Variants in HMG20A observed in about 807,000 individuals in gnomAD.
The protein encoded by HMG20A is high mobility group 20A.
HMG20A carries 17 observed loss-of-function variants against 43.9 expected under a neutral mutation model. That is an observed-to-expected ratio of 0.39 (90% CI 0.27 to 0.58). The LOEUF (loss-of-function observed/expected upper bound fraction) is 0.58. Ranked by LOEUF, HMG20A falls within the 20% of genes least tolerant of loss-of-function variation. The pLI is 0.59. For missense variants in HMG20A, 341 were observed against 438.2 expected, an observed-to-expected ratio of 0.78 and a Z score of 1.98; for synonymous variants, 132 against 147.5, an observed-to-expected ratio of 0.89 and a Z score of 0.76.
At position 77,438,085 on chromosome 15, in the gene HMG20A, T is replaced by C. The variant is rs143169739; in HGVS notation, c.-5+17081T>C. ...GATCCTCCCGCCTCAGCCTCCCAAG[T>C]AGCTTGGACTGCAAGCTCATACCAC... On this transcript the variant is annotated intron_variant, in intron 1 of 9. Transcript: ENST00000336216. Among the ~76,000 whole-genome samples the C allele has an allele frequency of 7.9e-5, 12 of 151,882 alleles. No homozygotes were observed. The East Asian group carries it at 2.1e-3, about 27-fold the overall frequency.
the HMG20A span, among the ~76,000 whole-genome samples, chr15:77,497,234 G>A: frequency 1.3e-5 from 2 of 152,224 alleles, no homozygotes; most frequent in African/African-American, 4.8e-5. Flanking sequence ...TAAAACCCCA[G>A]CCTCCCACAG....
At chr15:77,449,295 CTCG>C (rs1415600772) in intron 1 of HMG20A, among the ~76,000 whole-genome samples, 1 of 152,048 alleles carries the variant, frequency 6.6e-6, no homozygotes, top group East Asian at 1.9e-4. Context: ...CTTCTCTCTC[CTCG>C]TCTTTTTCCC....
Position 77,432,246 on chromosome 15 carries a change from A to T in HMG20A, c.-5+11242A>T, listed in dbSNP as rs191849594. Among the ~76,000 whole-genome samples, 62 of 152,372 alleles carry T rather than the reference A, an allele frequency of 4.1e-4. 2 individuals are homozygous for T. In the East Asian group the frequency reaches 0.012, roughly 29 times the overall value. The stretch of plus-strand genomic sequence containing the variant: ...TACAACAGCGTGATTATGAAAATAC[A>T]TGTGAATCAGTTAAAGATATACTCA... On this transcript the variant is annotated intron_variant, in intron 1 of 9. Coordinates refer to ENST00000336216, the MANE Select transcript of HMG20A (RefSeq NM_001304504.2).
chr15:77,470,797 C>T, intron 4 of HMG20A, 113 bp from the exon 5 acceptor site: 1 of 883,624 alleles, frequency 1.1e-6, no homozygotes, highest in Non-Finnish European at 1.6e-6. Flanking sequence ...GGCATATTCC[C>T]TATATTCTTT....
chr15:77,466,278 G>C (rs1200256798), intron 3 of HMG20A, among the ~76,000 whole-genome samples: 2 of 152,172 alleles, frequency 1.3e-5, no homozygotes, highest in Admixed American at 6.5e-5. Flanking sequence ...CTACTTGGAA[G>C]ACTAAGGCAG....
the HMG20A span, among the ~76,000 whole-genome samples, chr15:77,495,262 A>C: frequency 6.6e-6 from 1 of 152,212 alleles, no homozygotes; most frequent in Admixed American, 6.5e-5. Flanking sequence ...AAAGGCAGTA[A>C]AGCCAGCAGG....
At chr15:77,459,387 C>G (rs1595923605) in intron 2 of HMG20A, among the ~76,000 whole-genome samples, 1 of 152,154 alleles carries the variant, frequency 6.6e-6, no homozygotes, top group Admixed American at 6.5e-5. Context: ...AGATAAAAAT[C>G]ATAGGCCTTT....
At position 77,483,774 on chromosome 15, in the gene HMG20A, A is replaced by T. The variant is rs1054323102; in HGVS notation, c.*811A>T. The T allele has an allele frequency of 4.6e-5, 7 of 152,686 alleles. No individual in the cohort carries two copies. The highest frequency in any genetic ancestry group is 1.7e-4 in the African/African-American group (7 of 41,448). 9.5% of individuals were successfully genotyped at this position (152,686 alleles called of 1,614,324 possible). A position where few individuals can be genotyped will look rare whatever the true frequency, so the allele number is the denominator to read the frequency against. ...AAGGCTCTTCTGTTCCCATCTGTTGACAATGTCTTGTGGAGCATTTTTGCT... is the reference window on the plus strand; with the variant it reads ...AAGGCTCTTCTGTTCCCATCTGTTGTCAATGTCTTGTGGAGCATTTTTGCT... On this transcript the variant is annotated 3_prime_UTR_variant, in exon 10 of 10. Transcript: ENST00000336216.
At chr15:77,517,015 G>A in the HMG20A span, among the ~76,000 whole-genome samples, 1 of 152,322 alleles carries the variant, frequency 6.6e-6, no homozygotes. Context: ...CCCTCGTCCA[G>A]ACCCCTGCTC....
intron 1 of HMG20A, among the ~76,000 whole-genome samples, chr15:77,428,099 G>A (rs2073444846): frequency 6.6e-6 from 1 of 152,210 alleles, no homozygotes; most frequent in African/African-American, 2.4e-5. Context: ...TGTTCATAAT[G>A]AAGCATTTAG....
chr15:77,509,500 C>G, the HMG20A span, among the ~76,000 whole-genome samples: 44 of 151,348 alleles, frequency 2.9e-4, no homozygotes, highest in Admixed American at 1.3e-4. Flanking sequence ...GGTGATCTGC[C>G]TGGCCTCGGC....
At chr15:77,516,749 G>A in the HMG20A span, among the ~76,000 whole-genome samples, 8 of 152,314 alleles carry the variant, frequency 5.3e-5, no homozygotes, top group Admixed American at 2.0e-4. Context: ...AGGGGAAGAA[G>A]GGGAGTGGGG....
the HMG20A span, among the ~76,000 whole-genome samples, chr15:77,505,407 C>T: frequency 6.6e-6 from 1 of 152,198 alleles, no homozygotes; most frequent in African/African-American, 2.4e-5. Flanking sequence ...TCACCAGATG[C>T]CCAGCTGGAC....
chr15:77,491,845 T>C, the HMG20A span, among the ~76,000 whole-genome samples: 1 of 152,240 alleles, frequency 6.6e-6, no homozygotes, highest in South Asian at 2.1e-4. Flanking sequence ...ACACAGGTTA[T>C]ATCCAGGGCA....
At chr15:77,490,318 T>C (rs867905726), downstream of HMG20A, among the ~76,000 whole-genome samples, 22 of 151,828 alleles carry the variant, frequency 1.4e-4, no homozygotes, top group African/African-American at 4.8e-4. Flanking sequence ...AAATAAAGGG[T>C]CACTCTGGCT....
chr15:77,510,245 C>T, the HMG20A span, among the ~76,000 whole-genome samples: 1 of 152,180 alleles, frequency 6.6e-6, no homozygotes. Flanking sequence ...TGCCCACACC[C>T]CCAACCCTCG....
At chr15:77,518,750 A>G in the HMG20A span, among the ~76,000 whole-genome samples, 2 of 152,166 alleles carry the variant, frequency 1.3e-5, no homozygotes, top group Admixed American at 1.3e-4. Flanking sequence ...AGTCATTCCC[A>G]TCTCAGAACA....
chr15:77,509,905 CAA>C, the HMG20A span, among the ~76,000 whole-genome samples: 552 of 128,882 alleles, frequency 4.3e-3, 4 homozygotes, highest in African/African-American at 0.013. Flanking sequence ...GACTCCGCCT[CAA>C]AAAAAAAAAA....
chr15:77,446,073 A>G (rs2073670455), intron 1 of HMG20A, among the ~76,000 whole-genome samples: 1 of 152,114 alleles, frequency 6.6e-6, no homozygotes, highest in African/African-American at 2.4e-5. Flanking sequence ...ATGAATCTGG[A>G]TTTTCAAACG....
Sources: allele counts gnomAD v4.1 joint callset (sites outside exome capture counted in the v4.1 genomes callset), GRCh38; gene constraint gnomAD v4.1.1; transcripts MANE v1.5; gene names NCBI Gene and HGNC (gene_info 2026-07-23, HGNC 2026-07-21).